STXBP4: variants seen among roughly 807,000 people sequenced by gnomAD.
STXBP4 encodes syntaxin-binding protein 4.
A neutral mutation model predicts 76.1 loss-of-function variants in STXBP4; 55 were observed. The ratio of observed to expected loss-of-function variants is 0.72; its 90% CI spans 0.58 to 0.91. The LOEUF is 0.91. STXBP4 is among the 40% of genes least tolerant of loss of function. STXBP4 has a pLI of 0.00. For synonymous variants in STXBP4, 201 were observed against 220.2 expected (o/e 0.91, Z 0.77); for missense variants, 618 against 636.9 (o/e 0.97, Z 0.32).
chr17:55,185,029 C>T, the STXBP4 span, among the ~76,000 whole-genome samples: 1 of 152,038 alleles, frequency 6.6e-6, no homozygotes, highest in Non-Finnish European at 1.5e-5. Context: ...TGCCACCAGG[C>T]CAGGATAATT....
At chr17:55,139,253 T>G (rs2080068847) in intron 16 of STXBP4, among the ~76,000 whole-genome samples, 1 of 152,134 alleles carries the variant, frequency 6.6e-6, no homozygotes, top group Admixed American at 6.6e-5. Flanking sequence ...AGTGTCAATT[T>G]TCACATGATC....
Position 55,161,756 on chromosome 17 carries a change from ATTTAT to A in STXBP4, c.*1848_*1852del, listed in dbSNP as rs1238229215. The stretch of plus-strand genomic sequence containing the variant: ...ACATGGTGATGAGCAGTTTGCATAT[ATTTAT>A]TTATGATCTTCTTAAAACCATTCCA... On this transcript the variant is annotated 3_prime_UTR_variant, in exon 18 of 18. Coordinates refer to ENST00000376352, the MANE Select transcript of STXBP4 (RefSeq NM_178509.6). 6.6e-6 allele frequency: 1 copy of A among 152,170 alleles called. No individual in the cohort carries two copies. Among genetic ancestry groups the A allele is most frequent in the African/African-American group, 2.4e-5 (1 of 41,440 alleles). 9.4% of individuals were successfully genotyped at this position (152,170 alleles called of 1,614,324 possible).
chr17:55,000,930 C>G (rs1269102998), intron 7 of STXBP4, 47 bp downstream of exon 7: 7 of 1,285,916 alleles, frequency 5.4e-6, no homozygotes, highest in Non-Finnish European at 7.9e-6. Context: ...TTTCAATTCT[C>G]TCTCAATGAG....
At chr17:55,185,269 C>CCTT in the STXBP4 span, among the ~76,000 whole-genome samples, 12 of 48,092 alleles carry the variant, frequency 2.5e-4, no homozygotes, top group African/African-American at 1.1e-3. Context: ...TTCTCCTTCT[C>CCTT]CTTCTCCTTC....
chr17:55,193,895 GGAA>G, the STXBP4 span, among the ~76,000 whole-genome samples: 45 of 150,762 alleles, frequency 3.0e-4, no homozygotes, highest in Non-Finnish European at 5.7e-4. Flanking sequence ...ACCAATCTCA[GGAA>G]GAAGAAGCAT....
chr17:55,148,252 G>A (rs2080178389), intron 17 of STXBP4, among the ~76,000 whole-genome samples: 1 of 152,134 alleles, frequency 6.6e-6, no homozygotes, highest in Admixed American at 6.5e-5. Flanking sequence ...ATCTATAAGT[G>A]AATAAATTTT....
chr17:55,099,831 A>G (rs2079542396), intron 16 of STXBP4, among the ~76,000 whole-genome samples: 1 of 152,230 alleles, frequency 6.6e-6, no homozygotes, highest in Non-Finnish European at 1.5e-5. Context: ...TCTTGTGTAT[A>G]TAGATCCTAA....
At chr17:55,010,293 C>T (rs1213701548) in intron 8 of STXBP4, among the ~76,000 whole-genome samples, 6 of 151,906 alleles carry the variant, frequency 3.9e-5, no homozygotes, top group African/African-American at 1.4e-4. Context: ...TATGTTCAGA[C>T]ATATGTATAT....
Position 55,159,785 on chromosome 17 carries a change from G to C in STXBP4, c.1548-12G>C. ...TCTTTCAGATTCTAATTGCATTCTTGTTCTTCTCAAGTCATGTAACACAGA... is the reference window on the plus strand; with the variant it reads ...TCTTTCAGATTCTAATTGCATTCTTCTTCTTCTCAAGTCATGTAACACAGA... On this transcript the variant is annotated splice_polypyrimidine_tract_variant and intron_variant, in intron 17 of 17. Coordinates refer to ENST00000376352, the MANE Select transcript of STXBP4 (RefSeq NM_178509.6). The C allele has an allele frequency of 6.4e-7, 1 of 1,555,342 alleles. No individual in the cohort carries two copies. The highest frequency in any genetic ancestry group is 8.9e-7 in the Non-Finnish European group (1 of 1,127,694).
At chr17:55,052,206 G>T (rs1349589719) in intron 12 of STXBP4, among the ~76,000 whole-genome samples, 3 of 152,096 alleles carry the variant, frequency 2.0e-5, no homozygotes, top group African/African-American at 7.2e-5. Context: ...CAGAAATGAG[G>T]AAGGGTAAGT....
At chr17:55,141,214 C>A in intron 16 of STXBP4, 96 bp from the exon 17 acceptor site, 1 of 1,000,458 alleles carries the variant, frequency 1.0e-6, no homozygotes, top group Non-Finnish European at 1.5e-6. Flanking sequence ...AAGAAATGTG[C>A]TCAAATAATT....
intron 16 of STXBP4, among the ~76,000 whole-genome samples, chr17:55,133,417 G>A (rs1432029508): frequency 1.3e-5 from 2 of 152,144 alleles, no homozygotes; most frequent in Admixed American, 1.3e-4. Flanking sequence ...GAGAGGGCAT[G>A]CACCTGAATT....
intron 16 of STXBP4, among the ~76,000 whole-genome samples, chr17:55,137,978 T>G (rs1598343679): frequency 6.6e-6 from 1 of 152,248 alleles, no homozygotes; most frequent in Middle Eastern, 3.4e-3. Flanking sequence ...AGCATGAAGT[T>G]AAACATTTTC....
chr17:55,183,897 T>C, the STXBP4 span, among the ~76,000 whole-genome samples: 1 of 152,180 alleles, frequency 6.6e-6, no homozygotes, highest in Non-Finnish European at 1.5e-5. Flanking sequence ...TTTCAATATC[T>C]CACTAAGAGT....
chr17:55,091,134 A>C (rs1484771), intron 16 of STXBP4, among the ~76,000 whole-genome samples: 46,523 of 151,798 alleles, frequency 0.31, 7,474 homozygotes, highest in African/African-American at 0.38. Context: ...ATTTTAAAAA[A>C]TCCCTCCAGT....
At chr17:55,068,420 T>G (rs867202438) in intron 12 of STXBP4, among the ~76,000 whole-genome samples, 71 of 152,194 alleles carry the variant, frequency 4.7e-4, no homozygotes, top group African/African-American at 1.6e-3. Context: ...ATTACAGATG[T>G]GCTACTGCAA....
At chr17:55,021,586 C>T (rs765914464) in intron 8 of STXBP4, among the ~76,000 whole-genome samples, 4 of 152,078 alleles carry the variant, frequency 2.6e-5, no homozygotes, top group Non-Finnish European at 4.4e-5. Flanking sequence ...TCACTTACCT[C>T]TGCGTATTGT....
At chr17:55,073,172 G>A (rs1373315644) in intron 13 of STXBP4, 96 bp downstream of exon 13, 3 of 1,148,724 alleles carry the variant, frequency 2.6e-6, no homozygotes, top group Non-Finnish European at 3.8e-6. Flanking sequence ...TTCTAAACTA[G>A]GTCAGTGTTT....
chr17:55,213,081 A>G, the STXBP4 span, among the ~76,000 whole-genome samples: 1 of 152,218 alleles, frequency 6.6e-6, no homozygotes, highest in Non-Finnish European at 1.5e-5. Context: ...AGGCATCTAC[A>G]GGACAGAAGC....
Sources: allele counts gnomAD v4.1 joint callset (sites outside exome capture counted in the v4.1 genomes callset), GRCh38; gene constraint gnomAD v4.1.1; transcripts MANE v1.5; gene names NCBI Gene and HGNC (gene_info 2026-07-23, HGNC 2026-07-21).